The following MAGT1 variants were observed in gnomAD, a reference collection of about 807,000 sequenced individuals.
MAGT1 encodes the protein dolichyl-diphosphooligosaccharide--protein glycosyltransferase subunit MAGT1.
In MAGT1, 4 loss-of-function variants were observed where a neutral mutation model predicts 28.4. The observed-to-expected ratio is 0.14, with a 90% CI of 0.07 to 0.32. The LOEUF (loss-of-function observed/expected upper bound fraction) is 0.32. Ranked by LOEUF, MAGT1 falls within the 10% of genes least tolerant of loss-of-function variation. MAGT1 has a pLI of 1.00. For synonymous variants in MAGT1, 89 were observed against 89.7 expected (o/e 0.99, Z 0.04); for missense variants, 193 against 264.5 (o/e 0.73, Z 1.88).
chrX:77,835,226 C>T (rs1025366849), intron 8 of MAGT1, among the ~76,000 whole-genome samples: 1 of 110,475 alleles, frequency 9.1e-6, no homozygotes, highest in Non-Finnish European at 1.9e-5. Context: ...TCCCAAAGTG[C>T]TGGGATTACA....
intron 7 of MAGT1, among the ~76,000 whole-genome samples, chrX:77,852,345 T>C (rs2076970896): frequency 8.9e-6 from 1 of 112,295 alleles, no homozygotes; most frequent in African/African-American, 3.2e-5. Flanking sequence ...TAAGAACATT[T>C]TCCCAAATAT....
intron 8 of MAGT1, among the ~76,000 whole-genome samples, chrX:77,835,276 C>T (rs942360563): frequency 9.0e-6 from 1 of 111,116 alleles, no homozygotes; most frequent in Non-Finnish European, 1.9e-5. Flanking sequence ...TTTCAATAGA[C>T]GTTTCTCAAA....
chrX:77,841,371 A>C (rs782735712), intron 7 of MAGT1, 51 bp from the exon 8 acceptor site: 71 of 826,530 alleles, frequency 8.6e-5, no homozygotes, highest in Non-Finnish European at 1.1e-4. Flanking sequence ...AAGACATACC[A>C]TTTTACTATT....
chrX:77,850,971 CT>C (rs1309914869), intron 7 of MAGT1, among the ~76,000 whole-genome samples: 284 of 99,612 alleles, frequency 2.9e-3, no homozygotes, highest in Admixed American at 4.7e-3. Context: ...CTTTTCTGTT[CT>C]TTTTTTTTTT....
At chrX:77,853,224 T>C (rs1557215686) in intron 7 of MAGT1, among the ~76,000 whole-genome samples, 1 of 112,119 alleles carries the variant, frequency 8.9e-6, no homozygotes, top group East Asian at 2.8e-4. Flanking sequence ...TATTTTTCCC[T>C]AGCACACACT....
Position 77,828,053 on chromosome X carries a change from A to C in MAGT1, c.*1167T>G, listed in dbSNP as rs193248517. 1 of 109,949 alleles carries C rather than the reference A, an allele frequency of 9.1e-6. No homozygotes were observed. The highest frequency in any genetic ancestry group is 3.3e-5 in the African/African-American group (1 of 30,291). 9.1% of individuals were successfully genotyped at this position (109,949 alleles called of 1,213,427 possible). On this transcript the variant is annotated 3_prime_UTR_variant, in exon 10 of 10. Coordinates refer to ENST00000618282, the MANE Select transcript of MAGT1 (RefSeq NM_001367916.1). ...GAGCGCAGTAGCGTGATCTCGGCTC[A>C]CTGCAATCTCCGCCTCCCAGGTATT... is the stretch of plus-strand genomic sequence containing the variant.
rs782269224 is a variant in MAGT1, at chrX:77,837,857, C to T, written c.901+3389G>A. 8.1e-5 allele frequency among the ~76,000 whole-genome samples: 9 copies of T among 111,208 alleles called. No individual in the cohort carries two copies. In the South Asian group the frequency reaches 3.4e-3, roughly 42 times the overall value. ...TCCTGGGTTCAAGTGATTCTCATGC[C>T]TCAAACTCCCAAGTAGCTGGGATTA... On this transcript the variant is annotated intron_variant, in intron 8 of 9. Transcript: ENST00000618282.
intron 7 of MAGT1, among the ~76,000 whole-genome samples, chrX:77,848,807 G>T (rs781803511): frequency 1.8e-5 from 2 of 110,883 alleles, no homozygotes; most frequent in African/African-American, 3.3e-5. Flanking sequence ...GAGCCCAGGA[G>T]ATTGAGACCA....
chrX:77,870,780 A>G (rs1411800328), intron 3 of MAGT1, 28 bp downstream of exon 3: 3 of 974,426 alleles, frequency 3.1e-6, no homozygotes, highest in Non-Finnish European at 4.4e-6. Flanking sequence ...ACCTATTTTT[A>G]TATAGCAGAA....
chrX:77,834,306 G>A (rs1452582695), intron 8 of MAGT1, among the ~76,000 whole-genome samples: 1 of 97,948 alleles, frequency 1.0e-5, no homozygotes, highest in Non-Finnish European at 2.0e-5. Flanking sequence ...ATATATACAT[G>A]TGTGTATATA....
intron 7 of MAGT1, among the ~76,000 whole-genome samples, chrX:77,853,138 G>A (rs2076972812): frequency 8.9e-6 from 1 of 111,931 alleles, no homozygotes; most frequent in Non-Finnish European, 1.9e-5. Context: ...CTTGGGCCAA[G>A]AAAGTAAAAA....
intron 1 of MAGT1, among the ~76,000 whole-genome samples, chrX:77,876,164 A>ATATATTT (rs1557217807): frequency 4.0e-5 from 1 of 24,969 alleles, no homozygotes; most frequent in African/African-American, 1.5e-4. Context: ...ATATATATAT[A>ATATATTT]TTTTTTTTTT....
intron 1 of MAGT1, among the ~76,000 whole-genome samples, chrX:77,878,972 G>C (rs2077043824): frequency 9.0e-6 from 1 of 111,498 alleles, no homozygotes; most frequent in Admixed American, 9.6e-5. Context: ...CAGTGGAAGA[G>C]AAGCATGGTT....
rs1397611847 is a variant in MAGT1, at chrX:77,882,993, AATTTATATAT to A, written c.103-7406_103-7397del. Among the ~76,000 whole-genome samples, 9 of 100,574 alleles carry A rather than the reference AATTTATATAT, an allele frequency of 8.9e-5. No individual in the cohort carries two copies. The East Asian group carries it at 2.0e-3, about 23-fold the overall frequency. 87.3% of individuals were successfully genotyped at this position (100,574 alleles called of 115,157 possible). ...CTAATAAATATATATTTATATATATAATTTATATATATTTATATATATAAATTATATATTT... is the reference window on the plus strand; with the variant it reads ...CTAATAAATATATATTTATATATATAATTTATATATATAAATTATATATTT... On this transcript the variant is annotated intron_variant, in intron 1 of 9. Transcript: ENST00000618282.
intron 1 of MAGT1, among the ~76,000 whole-genome samples, chrX:77,893,915 A>G (rs1459362923): frequency 4.5e-5 from 5 of 110,931 alleles, no homozygotes; most frequent in Non-Finnish European, 9.4e-5. Flanking sequence ...AAAAAAAAAA[A>G]AGTGGTCATC....
chrX:77,849,899 A>G (rs1284069014), intron 7 of MAGT1, among the ~76,000 whole-genome samples: 1 of 109,018 alleles, frequency 9.2e-6, no homozygotes, highest in Admixed American at 9.9e-5. Flanking sequence ...AAAAACCAAA[A>G]AAAAAAAAAA....
intron 8 of MAGT1, among the ~76,000 whole-genome samples, chrX:77,831,494 T>C (rs1245918671): frequency 1.8e-5 from 2 of 111,814 alleles, no homozygotes; most frequent in African/African-American, 3.2e-5. Context: ...TTCAAATGTA[T>C]GAAATAATGA....
chrX:77,858,176 A>G (rs1340314462), intron 3 of MAGT1, among the ~76,000 whole-genome samples: 1 of 111,185 alleles, frequency 9.0e-6, no homozygotes, highest in Non-Finnish European at 1.9e-5. Context: ...GGCTTGCACA[A>G]ATCAATTTTT....
At chrX:77,844,654 T>G (rs1221619168) in intron 7 of MAGT1, among the ~76,000 whole-genome samples, 5 of 111,545 alleles carry the variant, frequency 4.5e-5, no homozygotes, top group Non-Finnish European at 7.5e-5. Flanking sequence ...GTGTCTTTGT[T>G]CTCGGTTTCA....
Sources: allele counts gnomAD v4.1 joint callset (sites outside exome capture counted in the v4.1 genomes callset), GRCh38; gene constraint gnomAD v4.1.1; transcripts MANE v1.5; gene names NCBI Gene and HGNC (gene_info 2026-07-23, HGNC 2026-07-21).